The following SNPH variants were observed in gnomAD, a reference collection of about 807,000 sequenced individuals.
SNPH encodes the protein syntaphilin.
A neutral mutation model predicts 36.8 loss-of-function variants in SNPH; 10 were observed. That is an observed-to-expected ratio of 0.27 (90% confidence interval 0.17 to 0.46). The LOEUF (loss-of-function observed/expected upper bound fraction) is 0.46. Ranked by LOEUF, SNPH falls within the 20% of genes least tolerant of loss-of-function variation. SNPH has a pLI of 1.00. For missense variants in SNPH, 622 were observed against 744.0 expected, an observed-to-expected ratio of 0.84 and a Z score of 1.91; for synonymous variants, 281 against 312.2, an observed-to-expected ratio of 0.90 and a Z score of 1.05.
intron 5 of SNPH, among the ~76,000 whole-genome samples, chr20:1,298,251 A>G (rs2088463634): frequency 6.6e-6 from 1 of 152,230 alleles, no homozygotes; most frequent in Non-Finnish European, 1.5e-5. Flanking sequence ...CCGCCTGTGC[A>G]TCCTAGTTGG....
intron 2 of SNPH, among the ~76,000 whole-genome samples, chr20:1,267,792 C>T (rs965233488): frequency 1.4e-4 from 21 of 152,190 alleles, no homozygotes; most frequent in African/African-American, 5.1e-4. Context: ...ACCTTGTGGG[C>T]CTCAAGGAGC....
chr20:1,300,053 GCAGAC>G (rs1214337823), intron 5 of SNPH, among the ~76,000 whole-genome samples: 2 of 152,186 alleles, frequency 1.3e-5, no homozygotes, highest in Non-Finnish European at 2.9e-5. Context: ...TGTCTGCCAT[GCAGAC>G]CCAGCATCTG....
At chr20:1,268,759 A>G (rs576914752) in intron 2 of SNPH, among the ~76,000 whole-genome samples, 4 of 152,222 alleles carry the variant, frequency 2.6e-5, no homozygotes, top group Admixed American at 6.5e-5. Flanking sequence ...CCCTAAGCCA[A>G]CTAGGTTAGG....
At chr20:1,303,968 T>C (rs1283056188) in intron 6 of SNPH, among the ~76,000 whole-genome samples, 2 of 152,254 alleles carry the variant, frequency 1.3e-5, no homozygotes, top group East Asian at 3.9e-4. Flanking sequence ...CGCCATTCTG[T>C]CTCACTCTGG....
At position 1,276,922 on chromosome 20, in the gene SNPH, A is replaced by T. The variant is rs1276756123; in HGVS notation, c.-493+10162A>T. ...AGACTTGACTCAGATCTCGTTGGTC[A>T]ATTATTAGAAATCAGTTGGGGTTCG... On this transcript the variant is annotated intron_variant, in intron 2 of 6. Coordinates refer to ENST00000381867, the MANE Select transcript of SNPH (RefSeq NM_001318234.2). The surrounding 1 kb of genome is among the most constrained non-coding windows in gnomAD (Gnocchi z 4.6). 6.6e-6 allele frequency among the ~76,000 whole-genome samples: 1 copy of T among 152,206 alleles called. No homozygotes were observed. The highest frequency in any genetic ancestry group is 6.5e-5 in the Admixed American group (1 of 15,284).
chr20:1,302,833 A>G (rs997658195), intron 6 of SNPH, among the ~76,000 whole-genome samples: 2 of 152,262 alleles, frequency 1.3e-5, no homozygotes, highest in Non-Finnish European at 2.9e-5. Flanking sequence ...GCATTCAGCG[A>G]GCTTCATTGT....
In SNPH at chr20:1,295,894, G is replaced by A. The variant is rs1443963379; in HGVS notation, c.-346G>A. ...CCTACAGCCTGCAGCCCCTACCAGA[G>A]AGGGAGGACTGAACAGCAAGGGGGT... On this transcript the variant is annotated 5_prime_UTR_variant, in exon 4 of 7. Coordinates refer to ENST00000381867, the MANE Select transcript of SNPH (RefSeq NM_001318234.2). The A allele has an allele frequency of 4.1e-6, 1 of 242,220 alleles. No homozygotes were observed. Among genetic ancestry groups the A allele is most frequent in the Non-Finnish European group, 7.9e-6 (1 of 127,288 alleles). 15.0% of individuals were successfully genotyped at this position (242,220 alleles called of 1,614,324 possible). A position where few individuals can be genotyped will look rare whatever the true frequency, so the allele number is the denominator to read the frequency against.
intron 2 of SNPH, among the ~76,000 whole-genome samples, chr20:1,274,582 G>C (rs943715378): frequency 1.3e-5 from 2 of 152,142 alleles, no homozygotes; most frequent in Non-Finnish European, 2.9e-5. Context: ...GCATTCCCAG[G>C]AGAAAGAATA....
chr20:1,283,902 T>C (rs1429544372), intron 2 of SNPH, among the ~76,000 whole-genome samples: 1 of 152,204 alleles, frequency 6.6e-6, no homozygotes, highest in East Asian at 1.9e-4. Context: ...ATACTTAGCC[T>C]TCAAAGGCTC....
rs556849024 is a variant in SNPH, at chr20:1,299,482, T to G, written c.291-1080T>G. ...GAATAGAGCTGGCTGGGCCATAGTC[T>G]GTTGTGGAATTGGGGCATTCTCCTT... is the stretch of plus-strand genomic sequence containing the variant. On this transcript the variant is annotated intron_variant, in intron 5 of 6. Coordinates refer to ENST00000381867, the MANE Select transcript of SNPH (RefSeq NM_001318234.2). Among the ~76,000 whole-genome samples the G allele has an allele frequency of 9.1e-4, 138 of 152,308 alleles. 2 individuals carry two copies. The highest frequency in any genetic ancestry group is 3.2e-3 in the African/African-American group (133 of 41,566).
intron 6 of SNPH, among the ~76,000 whole-genome samples, chr20:1,302,726 C>G (rs985209628): frequency 2.6e-5 from 4 of 152,276 alleles, no homozygotes; most frequent in African/African-American, 4.8e-5. Flanking sequence ...TGGGATCACG[C>G]TGTATGCATG....
Position 1,296,323 on chromosome 20 carries a change from A to T in SNPH, c.84A>T (p.Ser28=). Residue 28 remains serine, a synonymous_variant, in exon 4 of 7, where the codon TCA becomes TCT. Transcript: ENST00000381867. ...GCCCCCCAACCCGCCCTCTCTCCTCAGCCCCCGGGATACCGCCCATCCCAC... is the reference window on the plus strand; with the variant it reads ...GCCCCCCAACCCGCCCTCTCTCCTCTGCCCCCGGGATACCGCCCATCCCAC... ...SAGPPTRPLS[S]APGIPPIPPL... 6.3e-7 allele frequency: 1 copy of T among 1,578,628 alleles called. No individual in the cohort carries two copies. Among genetic ancestry groups the T allele is most frequent in the South Asian group, 1.2e-5 (1 of 86,790 alleles).
intron 6 of SNPH, among the ~76,000 whole-genome samples, chr20:1,303,706 G>C (rs2088531995): frequency 6.6e-6 from 1 of 152,104 alleles, no homozygotes; most frequent in Admixed American, 6.6e-5. Flanking sequence ...GAGATTCCTG[G>C]GCCCATTTCC....
In SNPH at chr20:1,294,599, G is replaced by A. The variant is rs151127716; in HGVS notation, c.-492-352G>A. The stretch of plus-strand genomic sequence containing the variant: ...CGGCAGGTCCTGCAGCCCAGCACCC[G>A]ACACCTCCAGGCAGACAATGCTGGC... On this transcript the variant is annotated intron_variant, in intron 2 of 6. Transcript: ENST00000381867. This position sits in a 1 kb window ranked among gnomAD's most constrained non-coding sequence, Gnocchi z 4.4. Among the ~76,000 whole-genome samples, 534 of 152,276 alleles carry A rather than the reference G, an allele frequency of 3.5e-3. 2 individuals carry two copies. Among genetic ancestry groups the A allele is most frequent in the Middle Eastern group, 0.027 (8 of 294 alleles).
chr20:1,283,846 A>G (rs972398906), intron 2 of SNPH, among the ~76,000 whole-genome samples: 1 of 152,188 alleles, frequency 6.6e-6, no homozygotes, highest in African/African-American at 2.4e-5. Flanking sequence ...AAGGAGGAGA[A>G]GGCCCTAAGT....
chr20:1,284,028 TCATGTACA>T (rs2088256082), intron 2 of SNPH, among the ~76,000 whole-genome samples: 3 of 152,158 alleles, frequency 2.0e-5, no homozygotes, highest in African/African-American at 7.2e-5. Context: ...GTGATTAACC[TCATGTACA>T]CACAAGGAAA....
intron 2 of SNPH, among the ~76,000 whole-genome samples, chr20:1,278,172 CTGTG>C (rs565229768): frequency 0.016 from 2,372 of 145,850 alleles, 32 homozygotes; most frequent in Non-Finnish European, 0.024. Context: ...GCCGGTGTGT[CTGTG>C]TGTGTGTATC....
Position 1,294,169 on chromosome 20 carries a change from G to A in SNPH, c.-492-782G>A, listed in dbSNP as rs1291137987. 1.3e-5 allele frequency among the ~76,000 whole-genome samples: 2 copies of A among 152,242 alleles called. No homozygotes were observed. The highest frequency in any genetic ancestry group is 2.9e-5 in the Non-Finnish European group (2 of 68,038). ...GCCAGAGCATGTCACACCTGCAGCT[G>A]TGTGACCTTGGGCCCAAATGCAGTA... is the stretch of plus-strand genomic sequence containing the variant. On this transcript the variant is annotated intron_variant, in intron 2 of 6. Transcript: ENST00000381867. The surrounding 1 kb of genome is among the most constrained non-coding windows in gnomAD (Gnocchi z 4.4).
At chr20:1,289,480 T>A (rs1233738945) in intron 2 of SNPH, among the ~76,000 whole-genome samples, 1 of 150,896 alleles carries the variant, frequency 6.6e-6, no homozygotes, top group Non-Finnish European at 1.5e-5. Flanking sequence ...GGACCATGCC[T>A]GTCTTTTTAT....
Sources: allele counts gnomAD v4.1 joint callset (sites outside exome capture counted in the v4.1 genomes callset), GRCh38; gene constraint gnomAD v4.1.1; non-coding constraint Gnocchi (gnomAD v3.1); transcripts MANE v1.5; gene names NCBI Gene and HGNC (gene_info 2026-07-23, HGNC 2026-07-21).